NHSL2: variants seen among roughly 807,000 people sequenced by gnomAD.
The protein encoded by NHSL2 is NHS like 2, also known as NHS-like protein 2.
Under a neutral mutation model 53.4 loss-of-function variants are expected in NHSL2, and 27 were observed. The ratio of observed to expected loss-of-function variants is 0.51; its 90% CI spans 0.37 to 0.70. The LOEUF (loss-of-function observed/expected upper bound fraction) is 0.70. NHSL2 is among the 30% of genes least tolerant of loss of function. The pLI, the probability that NHSL2 is intolerant of heterozygous loss-of-function variation, is 0.00. For missense variants in NHSL2, 892 were observed against 980.1 expected, an observed-to-expected ratio of 0.91 and a Z score of 1.20; for synonymous variants, 408 against 404.1, an observed-to-expected ratio of 1.01 and a Z score of -0.12.
chrX:72,042,784 T>C (rs748343269), intron 1 of NHSL2, among the ~76,000 whole-genome samples: 263 of 108,756 alleles, frequency 2.4e-3, no homozygotes, highest in African/African-American at 8.4e-3. Context: ...CTGCAAGGAC[T>C]TTGTAGAGTA....
At chrX:72,032,723 G>C (rs1243021605) in intron 1 of NHSL2, among the ~76,000 whole-genome samples, 1 of 110,899 alleles carries the variant, frequency 9.0e-6, no homozygotes, top group Non-Finnish European at 1.9e-5. Context: ...TCCTGGCGTG[G>C]TGGTGCTCAC....
chrX:71,945,124 T>TC (rs1556307098), intron 1 of NHSL2, among the ~76,000 whole-genome samples: 3 of 111,783 alleles, frequency 2.7e-5, no homozygotes, highest in Admixed American at 9.4e-5. Context: ...CTGAGGCAGT[T>TC]GGGGGGGTCA....
chrX:72,107,168 A>G (rs990781873), intron 1 of NHSL2, among the ~76,000 whole-genome samples: 1 of 110,789 alleles, frequency 9.0e-6, no homozygotes, highest in Non-Finnish European at 1.9e-5. Flanking sequence ...TCATGCCTGT[A>G]ATCCTAGCAC....
At chrX:72,044,613 C>T (rs2042294734) in intron 1 of NHSL2, 2 of 1,128,531 alleles carry the variant, frequency 1.8e-6, no homozygotes, top group East Asian at 3.0e-5. Context: ...CTATTCGCTG[C>T]ACTAACTGTG....
At chrX:72,100,048 C>T (rs760171774) in intron 1 of NHSL2, among the ~76,000 whole-genome samples, 9 of 111,496 alleles carry the variant, frequency 8.1e-5, no homozygotes, top group African/African-American at 2.9e-4. Flanking sequence ...ACAAAATCCT[C>T]AACTTCACCA....
At chrX:71,996,112 A>C (rs886137524) in intron 1 of NHSL2, among the ~76,000 whole-genome samples, 1 of 112,496 alleles carries the variant, frequency 8.9e-6, no homozygotes, top group African/African-American at 3.2e-5. Flanking sequence ...TTATAAAGCA[A>C]TTTATAATTT....
intron 1 of NHSL2, among the ~76,000 whole-genome samples, chrX:71,961,771 C>T (rs892542062): frequency 1.8e-5 from 2 of 111,606 alleles, no homozygotes; most frequent in East Asian, 2.8e-4. Flanking sequence ...TGAGTTCAAG[C>T]GATTCTCATG....
chrX:72,040,979 A>T (rs910722340), intron 1 of NHSL2, among the ~76,000 whole-genome samples: 1 of 112,395 alleles, frequency 8.9e-6, no homozygotes, highest in Non-Finnish European at 1.9e-5. Flanking sequence ...ATTATAATGC[A>T]GTGGATAAAT....
intron 1 of NHSL2, among the ~76,000 whole-genome samples, chrX:72,039,566 A>C (rs901978117): frequency 8.9e-6 from 1 of 111,798 alleles, no homozygotes; most frequent in Non-Finnish European, 1.9e-5. Context: ...AATCTTGGTA[A>C]GGTCCATTAA....
chrX:72,093,963 G>T (rs1194014420), intron 1 of NHSL2, among the ~76,000 whole-genome samples: 2 of 109,949 alleles, frequency 1.8e-5, no homozygotes, highest in East Asian at 5.7e-4. Flanking sequence ...TGTATTTTTA[G>T]TAGAGACGGG....
At chrX:71,961,772 G>A (rs1009561982) in intron 1 of NHSL2, among the ~76,000 whole-genome samples, 3 of 111,548 alleles carry the variant, frequency 2.7e-5, no homozygotes, top group Admixed American at 1.9e-4. Flanking sequence ...GAGTTCAAGC[G>A]ATTCTCATGC....
At chrX:71,952,813 GCCTGGGTTAACCCA>G (rs2041826984) in intron 1 of NHSL2, among the ~76,000 whole-genome samples, 4 of 111,508 alleles carry the variant, frequency 3.6e-5, no homozygotes, top group Admixed American at 2.8e-4. Context: ...ATACCAGGTG[GCCTGGGTTAACCCA>G]CCTGGGGACC....
At chrX:72,131,206 C>A (rs1602394220) in intron 1 of NHSL2, 1 of 1,200,053 alleles carries the variant, frequency 8.3e-7, no homozygotes, top group East Asian at 3.0e-5. Flanking sequence ...GTCGGGGGTG[C>A]TGCGATCCTG....
At chrX:71,982,970 G>A (rs895461299) in intron 1 of NHSL2, among the ~76,000 whole-genome samples, 2 of 111,996 alleles carry the variant, frequency 1.8e-5, no homozygotes, top group African/African-American at 6.5e-5. Context: ...GAAGAAGGGG[G>A]GACGCAGTCT....
chrX:71,959,699 G>T (rs991118290), intron 1 of NHSL2, among the ~76,000 whole-genome samples: 8 of 111,414 alleles, frequency 7.2e-5, no homozygotes, highest in African/African-American at 1.3e-4. Flanking sequence ...ACCTACTCTG[G>T]ACATTTCATA....
chrX:72,008,574 T>G (rs192760324), intron 1 of NHSL2, among the ~76,000 whole-genome samples: 1 of 111,994 alleles, frequency 8.9e-6, no homozygotes, highest in Non-Finnish European at 1.9e-5. Flanking sequence ...AATTGAACCT[T>G]GGCACAGAGT....
chrX:71,952,952 C>T (rs150564260), intron 1 of NHSL2, among the ~76,000 whole-genome samples: 1,517 of 111,867 alleles, frequency 0.014, 36 homozygotes, highest in African/African-American at 0.046. Flanking sequence ...CAATGAACAG[C>T]ATATTAAATA....
chrX:71,982,795 A>AT (rs201975250), intron 1 of NHSL2, among the ~76,000 whole-genome samples: 1,276 of 112,037 alleles, frequency 0.011, 7 homozygotes, highest in Middle Eastern at 0.037. Context: ...CATCTGTATC[A>AT]TTTTTTATGT....
At chrX:71,964,041 A>ATT (rs1569467147) in intron 1 of NHSL2, among the ~76,000 whole-genome samples, 1 of 9,816 alleles carries the variant, frequency 1.0e-4, no homozygotes, top group Non-Finnish European at 3.0e-4. Flanking sequence ...ATATATATAT[A>ATT]TGTATATATA....
Sources: gnomAD v4.1 joint callset for allele counts (sites outside exome capture counted in the v4.1 genomes callset) on GRCh38, gnomAD v4.1.1 for gene constraint, MANE v1.5 for transcripts, NCBI Gene and HGNC (gene_info 2026-07-23, HGNC 2026-07-21) for gene names.